MAVS: variants seen among roughly 807,000 people sequenced by gnomAD.
MAVS encodes mitochondrial antiviral signaling protein.
Under a neutral mutation model 30.2 loss-of-function variants are expected in MAVS, and 20 were observed. The observed-to-expected ratio is 0.66, with a 90% CI of 0.47 to 0.96. The LOEUF is 0.96. Among genes scored for constraint, MAVS ranks in the 40% least tolerant of loss-of-function variants. MAVS has a pLI of 0.00. For missense variants in MAVS, 624 were observed against 701.1 expected, an observed-to-expected ratio of 0.89 and a Z score of 1.24; for synonymous variants, 278 against 293.9, an observed-to-expected ratio of 0.95 and a Z score of 0.55.
intron 1 of MAVS, among the ~76,000 whole-genome samples, chr20:3,851,016 C>G (rs560204896): frequency 6.6e-6 from 1 of 151,792 alleles, no homozygotes. Context: ...GAAACCCTGT[C>G]TCTACTAAAA....
In MAVS at chr20:3,865,922, T is replaced by G. The variant is rs568678621; in HGVS notation, c.1398T>G (p.Phe466Leu). 2.5e-6 allele frequency: 4 copies of G among 1,613,868 alleles called. No individual in the cohort carries two copies. Among genetic ancestry groups the G allele is most frequent in the Non-Finnish European group, 2.5e-6 (3 of 1,179,914 alleles). Reference sequence around the variant, plus strand: ...ATGAGTATAAGTCCGAGGGCACCTTTGGGATCCACGTGGCTGAGAACCCCA... The same window carrying G: ...ATGAGTATAAGTCCGAGGGCACCTTGGGGATCCACGTGGCTGAGAACCCCA... ...EENEYKSEGT[F>L]GIHVAENPSI... is the part of the protein sequence containing the mutation. The change falls in exon 7 of 7, where the codon TTT (phenylalanine) becomes TTG (leucine). Residue 466 changes from phenylalanine (F) to leucine (L), a missense_variant. Transcript: ENST00000428216. This position sits in a 1 kb window ranked among gnomAD's most constrained non-coding sequence, Gnocchi z 4.7.
intron 3 of MAVS, 38 bp from the exon 4 acceptor site, chr20:3,861,294 T>C (rs1484477820): frequency 8.9e-6 from 14 of 1,574,758 alleles, no homozygotes; most frequent in Non-Finnish European, 1.2e-5. Context: ...TGCCCAGCCC[T>C]GATTCCTTCT....
intron 3 of MAVS, 111 bp downstream of exon 3, chr20:3,857,920 AC>A (rs1418085755): frequency 8.1e-7 from 1 of 1,235,372 alleles, no homozygotes; most frequent in Non-Finnish European, 1.2e-6. Flanking sequence ...CTTTCTTGTC[AC>A]TGTGAAGCGA....
chr20:3,862,243 C>G lies in MAVS; in HGVS notation c.466-11C>G. ...AGGCAACTGCCTTATTCATATTTTC[C>G]CTCATTGCAGAATTCAGAGCAAGCC... On this transcript the variant is annotated splice_polypyrimidine_tract_variant and intron_variant, in intron 4 of 6. Transcript: ENST00000428216. 2 of 1,611,268 alleles carry G rather than the reference C, an allele frequency of 1.2e-6. No homozygotes were observed. The highest frequency in any genetic ancestry group is 1.7e-6 in the Non-Finnish European group (2 of 1,178,938).
chr20:3,847,173 G>T (rs889637456), intron 1 of MAVS, among the ~76,000 whole-genome samples: 9 of 152,306 alleles, frequency 5.9e-5, no homozygotes, highest in African/African-American at 2.2e-4. Flanking sequence ...CTGGGGGAAA[G>T]GTAGGGCCAG....
intron 2 of MAVS, among the ~76,000 whole-genome samples, chr20:3,855,831 T>A (rs949135842): frequency 3.9e-5 from 6 of 152,196 alleles, no homozygotes; most frequent in Non-Finnish European, 8.8e-5. Context: ...CAGGCTGCAG[T>A]GCAATGGCAT....
At chr20:3,853,233 T>C (rs566002273) in intron 1 of MAVS, among the ~76,000 whole-genome samples, 64 of 147,246 alleles carry the variant, frequency 4.3e-4, no homozygotes, top group East Asian at 1.5e-3. Context: ...ACGCCTGTAA[T>C]CCCAGCACTT....
intron 1 of MAVS, among the ~76,000 whole-genome samples, chr20:3,854,146 G>C (rs1272128025): frequency 6.6e-6 from 1 of 151,900 alleles, no homozygotes; most frequent in African/African-American, 2.4e-5. Context: ...AAAACGGCCA[G>C]GTGTGGTGGC....
intron 3 of MAVS, among the ~76,000 whole-genome samples, chr20:3,860,381 T>TTC (rs1293108571): frequency 1.3e-5 from 2 of 150,384 alleles, no homozygotes; most frequent in Admixed American, 1.3e-4. Flanking sequence ...CTATTTTTTT[T>TTC]TTTTTTTTTT....
intron 2 of MAVS, 22 bp downstream of exon 2, chr20:3,854,763 C>T (rs2089795018): frequency 5.9e-6 from 9 of 1,533,606 alleles, no homozygotes; most frequent in Non-Finnish European, 8.1e-6. Context: ...AAGTGACAGC[C>T]CGACACTGGC....
chr20:3,852,033 C>T (rs2089765586), intron 1 of MAVS, among the ~76,000 whole-genome samples: 1 of 139,642 alleles, frequency 7.2e-6, no homozygotes, highest in African/African-American at 2.9e-5. Context: ...CTGGCTCTGT[C>T]GCCCAGGCTG....
In MAVS at chr20:3,861,445, A is replaced by G; in HGVS notation, c.406A>G (p.Lys136Glu). The change falls in exon 4 of 7, where the codon AAG (lysine) becomes GAG (glutamate). Residue 136 changes from lysine to glutamate, a missense_variant. Coordinates refer to ENST00000428216, the MANE Select transcript of MAVS (RefSeq NM_020746.5). ...CATCCCCTACAACAGCTGCAGAGAG[A>G]AGGAGCCAAGTTACCCCATGCCTGT... ...HSIPYNSCRE[K>E]EPSYPMPVQE... 1 of 1,614,044 alleles carries G rather than the reference A, an allele frequency of 6.2e-7. No homozygotes were observed. The highest frequency in any genetic ancestry group is 1.1e-5 in the South Asian group (1 of 91,066).
chr20:3,850,972 G>A (rs962358294), intron 1 of MAVS, among the ~76,000 whole-genome samples: 1 of 151,638 alleles, frequency 6.6e-6, no homozygotes, highest in Non-Finnish European at 1.5e-5. Flanking sequence ...ATCACTTGAG[G>A]TCAAGAGTTC....
intron 2 of MAVS, among the ~76,000 whole-genome samples, chr20:3,856,754 C>T (rs1353251847): frequency 3.3e-5 from 5 of 151,736 alleles, no homozygotes; most frequent in African/African-American, 1.2e-4. Context: ...AACTCTAGGG[C>T]TGGGCACGGT....
intron 1 of MAVS, among the ~76,000 whole-genome samples, chr20:3,853,290 T>G (rs553276658): frequency 2.7e-5 from 4 of 150,130 alleles, no homozygotes; most frequent in South Asian, 4.2e-4. Flanking sequence ...ATCGAGACCA[T>G]CCTGGCTAAC....
chr20:3,847,714 C>G (rs912779509), intron 1 of MAVS, among the ~76,000 whole-genome samples: 5 of 152,196 alleles, frequency 3.3e-5, no homozygotes, highest in Admixed American at 3.3e-4. Context: ...TCCCTCCCGC[C>G]AAGTGACCTT....
In MAVS at chr20:3,872,861, G is replaced by C. The variant is rs2146787561; in HGVS notation, c.*6714G>C. 6.6e-6 allele frequency: 1 copy of C among 152,330 alleles called. No individual in the cohort carries two copies. The highest frequency in any genetic ancestry group is 2.1e-4 in the South Asian group (1 of 4,828). The allele number at this position is 152,330 out of a possible 1,614,324, so 9.4% of individuals were successfully genotyped here. A position where few individuals can be genotyped will look rare whatever the true frequency, so the allele number is the denominator to read the frequency against. On this transcript the variant is annotated 3_prime_UTR_variant, in exon 7 of 7. Coordinates refer to ENST00000428216, the MANE Select transcript of MAVS (RefSeq NM_020746.5). Reference sequence around the variant, plus strand: ...CCTACATGTGCAGAGCACTGTGATAGGCCTCAGTGACACAGAATAATACGG... The same window carrying C: ...CCTACATGTGCAGAGCACTGTGATACGCCTCAGTGACACAGAATAATACGG...
intron 1 of MAVS, among the ~76,000 whole-genome samples, chr20:3,850,701 A>G (rs2089752537): frequency 6.6e-6 from 1 of 151,556 alleles, no homozygotes; most frequent in Admixed American, 6.6e-5. Context: ...CCTGGCTAAC[A>G]CGGTGAAACC....
rs766606967 is a variant in MAVS, at chr20:3,864,339, G to A, written c.709G>A (p.Ala237Thr). ...GCCCCTGGCCCGTTCCACCCCCAGG[G>A]CAAGCCGCTTGCCTGGACCCACAGG... ...FQPLARSTPR[A>T]SRLPGPTGSV... The change falls in exon 6 of 7, where the codon GCA (alanine) becomes ACA (threonine). Residue 237 changes from alanine to threonine, a missense_variant. By Grantham distance (58) the Ala-to-Thr change is moderately conservative. Transcript: ENST00000428216. 1 of 1,613,816 alleles carries A rather than the reference G, an allele frequency of 6.2e-7. No homozygotes were observed. The highest frequency in any genetic ancestry group is 1.1e-5 in the South Asian group (1 of 91,084).
Sources: gnomAD v4.1 joint callset for allele counts (sites outside exome capture counted in the v4.1 genomes callset) on GRCh38, gnomAD v4.1.1 for gene constraint, Gnocchi (gnomAD v3.1) non-coding constraint, MANE v1.5 for transcripts, NCBI Gene and HGNC (gene_info 2026-07-23, HGNC 2026-07-21) for gene names.